GALNT17: variants seen among roughly 807,000 people sequenced by gnomAD.
GALNT17 encodes UDP-GalNAc:polypeptide N-acetylgalactosaminyltransferase-like 3.
In GALNT17, 29 loss-of-function variants were observed where a neutral mutation model predicts 63.7. The observed-to-expected ratio is 0.46, with a 90% CI of 0.34 to 0.62. The LOEUF is 0.62. Among genes scored for constraint, GALNT17 ranks in the 20% least tolerant of loss-of-function variants. GALNT17 has a pLI of 0.01. For synonymous variants in GALNT17, 305 were observed against 318.3 expected, an observed-to-expected ratio of 0.96 and a Z score of 0.45; for missense variants, 603 against 799.6, an observed-to-expected ratio of 0.75 and a Z score of 2.97.
chr7:71,343,047 A>G (rs978688292), intron 2 of GALNT17, among the ~76,000 whole-genome samples: 5 of 152,240 alleles, frequency 3.3e-5, no homozygotes, highest in Non-Finnish European at 2.9e-5. Flanking sequence ...CCCATAGGCC[A>G]TAGGCAGTAA....
intron 6 of GALNT17, among the ~76,000 whole-genome samples, chr7:71,658,463 G>A (rs958727290): frequency 6.6e-6 from 1 of 152,108 alleles, no homozygotes; most frequent in African/African-American, 2.4e-5. Context: ...TATTCCAGAG[G>A]CCTGGGTAGT....
intron 5 of GALNT17, among the ~76,000 whole-genome samples, chr7:71,465,271 A>C (rs1787516442): frequency 6.6e-6 from 1 of 152,136 alleles, no homozygotes; most frequent in African/African-American, 2.4e-5. Flanking sequence ...TACTGTCCTT[A>C]CTTTAAAGTT....
At chr7:71,657,291 C>A (rs1790842508) in intron 6 of GALNT17, among the ~76,000 whole-genome samples, 1 of 152,108 alleles carries the variant, frequency 6.6e-6, no homozygotes, top group Non-Finnish European at 1.5e-5. Flanking sequence ...CTAAATTTTT[C>A]ATGTGTAAAA....
chr7:71,517,651 A>G (rs1387625489), intron 5 of GALNT17, among the ~76,000 whole-genome samples: 1 of 152,242 alleles, frequency 6.6e-6, no homozygotes, highest in Non-Finnish European at 1.5e-5. Flanking sequence ...AGAAGGATAT[A>G]GGATAATGGA....
At chr7:71,621,585 G>GGACA (rs1790296264) in intron 6 of GALNT17, among the ~76,000 whole-genome samples, 1 of 151,672 alleles carries the variant, frequency 6.6e-6, no homozygotes, top group Admixed American at 6.6e-5. Flanking sequence ...ATGGATGGAT[G>GGACA]GATGGACAGA....
At chr7:71,176,139 T>C (rs1788633841) in intron 1 of GALNT17, among the ~76,000 whole-genome samples, 1 of 151,890 alleles carries the variant, frequency 6.6e-6, no homozygotes, top group African/African-American at 2.4e-5. Flanking sequence ...CAACATGGTG[T>C]CTGGATTATG....
intron 1 of GALNT17, among the ~76,000 whole-genome samples, chr7:71,334,478 T>TATGTGTGTATGTGTGC (rs368556490): frequency 7.2e-5 from 11 of 152,194 alleles, no homozygotes; most frequent in African/African-American, 2.7e-4. Context: ...ATTGTGTGTG[T>TATGTGTGTATGTGTGC]ATGTGTGTAT....
chr7:71,184,401 G>A (rs909626869), intron 1 of GALNT17, among the ~76,000 whole-genome samples: 3 of 152,054 alleles, frequency 2.0e-5, no homozygotes, highest in African/African-American at 7.3e-5. Flanking sequence ...AATTACACTG[G>A]CCTCTCCAGC....
At chr7:71,243,487 T>G (rs1790038573) in intron 1 of GALNT17, among the ~76,000 whole-genome samples, 1 of 152,168 alleles carries the variant, frequency 6.6e-6, no homozygotes, top group Admixed American at 6.5e-5. Flanking sequence ...TGGGCGACCT[T>G]AATTCTACTA....
intron 1 of GALNT17, among the ~76,000 whole-genome samples, chr7:71,277,994 CTGCTAACTTTTT>C (rs1365169652): frequency 2.0e-5 from 3 of 152,128 alleles, no homozygotes; most frequent in Non-Finnish European, 4.4e-5. Context: ...CTTCTTTCTC[CTGCTAACTTTTT>C]TATTTATGAT....
chr7:71,669,192 G>C (rs1297675639), intron 7 of GALNT17, among the ~76,000 whole-genome samples: 1 of 152,068 alleles, frequency 6.6e-6, no homozygotes, highest in East Asian at 1.9e-4. Flanking sequence ...TCCCTGGCCT[G>C]GGTCTGGATG....
intron 2 of GALNT17, among the ~76,000 whole-genome samples, chr7:71,359,255 T>A (rs1792351990): frequency 6.6e-6 from 1 of 152,174 alleles, no homozygotes; most frequent in Non-Finnish European, 1.5e-5. Flanking sequence ...CAGCATTTGC[T>A]CAGGTTCTGT....
chr7:71,168,516 G>T (rs1788486837), intron 1 of GALNT17, among the ~76,000 whole-genome samples: 1 of 151,814 alleles, frequency 6.6e-6, no homozygotes, highest in Non-Finnish European at 1.5e-5. Context: ...ATGTTGCAGT[G>T]AACCGAGATC....
At chr7:71,574,363 C>T (rs1186105929) in intron 6 of GALNT17, among the ~76,000 whole-genome samples, 4 of 152,154 alleles carry the variant, frequency 2.6e-5, no homozygotes, top group African/African-American at 9.7e-5. Context: ...TCCCCCACTG[C>T]TCAGGGTAGG....
chr7:71,448,353 G>GTTTA lies in GALNT17; in HGVS notation c.962+27249_962+27250insTTAT, dbSNP rs1442131810. ...TGCATTGTTGATATCCTTACTTCGT[G>GTTTA]TGTATGTGTGTGTGTGTGTGTGTGT... On this transcript the variant is annotated intron_variant, in intron 5 of 10. Coordinates refer to ENST00000333538, the MANE Select transcript of GALNT17 (RefSeq NM_022479.3). Among the ~76,000 whole-genome samples the GTTTA allele has an allele frequency of 8.1e-5, 12 of 147,756 alleles. 1 individual carries two copies. Among genetic ancestry groups the GTTTA allele is most frequent in the African/African-American group, 3.2e-4 (12 of 37,730 alleles).
At chr7:71,314,115 G>T (rs1348796407) in intron 1 of GALNT17, among the ~76,000 whole-genome samples, 1 of 152,178 alleles carries the variant, frequency 6.6e-6, no homozygotes, top group African/African-American at 2.4e-5. Flanking sequence ...ACAGTGAATT[G>T]TTCTGTCTTT....
chr7:71,350,688 A>G (rs1792174345), intron 2 of GALNT17, among the ~76,000 whole-genome samples: 2 of 152,160 alleles, frequency 1.3e-5, no homozygotes, highest in Non-Finnish European at 2.9e-5. Flanking sequence ...TATACAAGGG[A>G]CTTGAGCATC....
At chr7:71,649,581 T>G (rs1790726410) in intron 6 of GALNT17, among the ~76,000 whole-genome samples, 1 of 151,486 alleles carries the variant, frequency 6.6e-6, no homozygotes, top group African/African-American at 2.4e-5. Flanking sequence ...GTCTTCAGAT[T>G]GGTTAGCCAT....
rs773450249 is a variant in GALNT17 at position 71,637,121 on chromosome 7, GT to G, written c.1081-28289del. ...TCGAATTAACAAGGAGTTAATAAATGTAAAGTGCTGAAAACACAGTTACATG... is the reference window on the plus strand; with the variant it reads ...TCGAATTAACAAGGAGTTAATAAATGAAAGTGCTGAAAACACAGTTACATG... On this transcript the variant is annotated intron_variant, in intron 6 of 10. Coordinates refer to ENST00000333538, the MANE Select transcript of GALNT17 (RefSeq NM_022479.3). Among the ~76,000 whole-genome samples, 22 of 152,284 alleles carry G rather than the reference GT, an allele frequency of 1.4e-4. 1 individual carries two copies. In the East Asian group the frequency reaches 4.2e-3, roughly 29 times the overall value.
Sources: allele counts gnomAD v4.1 joint callset (sites outside exome capture counted in the v4.1 genomes callset), GRCh38; gene constraint gnomAD v4.1.1; transcripts MANE v1.5; gene names NCBI Gene and HGNC (gene_info 2026-07-23, HGNC 2026-07-21).